GOLGB1: variants seen among roughly 807,000 people sequenced by gnomAD.
GOLGB1 encodes the protein golgin subfamily B member 1.
Under a neutral mutation model 336.9 loss-of-function variants are expected in GOLGB1, and 174 were observed. The observed-to-expected ratio is 0.52, with a 90% CI of 0.46 to 0.59. The LOEUF (loss-of-function observed/expected upper bound fraction) is 0.59. Ranked by LOEUF, GOLGB1 falls within the 20% of genes least tolerant of loss-of-function variation. The pLI, the probability that GOLGB1 is intolerant of heterozygous loss-of-function variation, is 0.00. For synonymous variants in GOLGB1, 1,208 were observed against 1,289.2 expected, an observed-to-expected ratio of 0.94 and a Z score of 1.35; for missense variants, 3,331 against 3,645.3, an observed-to-expected ratio of 0.91 and a Z score of 2.22.
At chr3:121,708,122 T>G (rs977240837) in intron 10 of GOLGB1, among the ~76,000 whole-genome samples, 7 of 152,150 alleles carry the variant, frequency 4.6e-5, no homozygotes, top group African/African-American at 1.7e-4. Context: ...AAACAAACAT[T>G]AGGATGAATC....
At chr3:121,693,661 TA>T in intron 13 of GOLGB1, 79 bp downstream of exon 13, 2 of 1,073,358 alleles carry the variant, frequency 1.9e-6, no homozygotes, top group Non-Finnish European at 1.4e-6. Context: ...TCCCATTGTC[TA>T]AAAGGAAACA....
intron 1 of GOLGB1, among the ~76,000 whole-genome samples, chr3:121,737,651 CA>C (rs35553866): frequency 7.5e-4 from 87 of 116,186 alleles, no homozygotes; most frequent in Admixed American, 1.0e-3. Flanking sequence ...GACCGCGTCT[CA>C]AAAAAAAAAA....
At chr3:121,740,634 T>C (rs554720692) in intron 1 of GOLGB1, among the ~76,000 whole-genome samples, 17 of 152,332 alleles carry the variant, frequency 1.1e-4, no homozygotes, top group African/African-American at 3.1e-4. Context: ...TGTAGTAAAC[T>C]TTCTGTAGTG....
At chr3:121,688,616 G>T in intron 14 of GOLGB1, among the ~76,000 whole-genome samples, 1 of 152,182 alleles carries the variant, frequency 6.6e-6, no homozygotes, top group Non-Finnish European at 1.5e-5. Flanking sequence ...ACCCCGTCTG[G>T]GAAGTGAGGA....
chr3:121,731,100 A>T, intron 1 of GOLGB1, 127 bp from the exon 2 acceptor site: 1 of 875,232 alleles, frequency 1.1e-6, no homozygotes, highest in South Asian at 1.8e-5. Flanking sequence ...TATTAGACAC[A>T]GTCTGCAGCA....
At chr3:121,670,775 G>C (rs1217111738) in intron 17 of GOLGB1, among the ~76,000 whole-genome samples, 1 of 148,210 alleles carries the variant, frequency 6.7e-6, no homozygotes, top group Non-Finnish European at 1.5e-5. Flanking sequence ...GGTGTGGGAG[G>C]AGGTGGGAAT....
chr3:121,695,466 A>G lies in GOLGB1; in HGVS notation c.5057T>C (p.Phe1686Ser). ...MEEMKEKMRK[F>S]AKSKQQKILE... ...GATTTTCTGCTGTTTAGATTTAGCA[A>G]ACTTTCTCATCTTTTCTTTCATTTC... The change falls in exon 13 of 22, where the codon TTT (phenylalanine) becomes TCT (serine). Residue 1686 changes from phenylalanine to serine, a missense_variant. By Grantham distance (155) the Phe-to-Ser change is radical. Transcript: ENST00000614479. The G allele has an allele frequency of 6.2e-7, 1 of 1,613,734 alleles. No homozygotes were observed. Among genetic ancestry groups the G allele is most frequent in the Non-Finnish European group, 8.5e-7 (1 of 1,179,924 alleles).
chr3:121,739,043 C>T (rs1414408569), intron 1 of GOLGB1, among the ~76,000 whole-genome samples: 2 of 152,196 alleles, frequency 1.3e-5, no homozygotes, highest in East Asian at 3.8e-4. Context: ...GGGAGGATCA[C>T]TTGAGCCTAG....
chr3:121,684,145 A>AAAAAAAAAAAAAAAAAAAAAAAAAAAAT (rs1941450811), intron 14 of GOLGB1, among the ~76,000 whole-genome samples: 1 of 148,632 alleles, frequency 6.7e-6, no homozygotes, highest in Non-Finnish European at 1.5e-5. Flanking sequence ...AAAAAAAAAA[A>AAAAAAAAAAAAAAAAAAAAAAAAAAAAT]AAAAAAACAA....
intron 1 of GOLGB1, among the ~76,000 whole-genome samples, chr3:121,747,140 T>G (rs1379155858): frequency 8.0e-6 from 1 of 124,742 alleles, no homozygotes; most frequent in Non-Finnish European, 1.7e-5. Flanking sequence ...AAGATATATA[T>G]ACATGGATGT....
intron 1 of GOLGB1, among the ~76,000 whole-genome samples, chr3:121,731,308 C>G (rs1946095711): frequency 6.6e-6 from 1 of 152,000 alleles, no homozygotes; most frequent in African/African-American, 2.4e-5. Flanking sequence ...TAGTTTTTAT[C>G]TTTAATGCCC....
chr3:121,723,642 G>A (rs1225467853), intron 5 of GOLGB1, among the ~76,000 whole-genome samples: 1 of 152,180 alleles, frequency 6.6e-6, no homozygotes, highest in Non-Finnish European at 1.5e-5. Context: ...TGATGGGCAT[G>A]TGAGTTGTTT....
Position 121,697,400 on chromosome 3 carries a change from T to G in GOLGB1, c.3123A>C (p.Glu1041Asp), listed in dbSNP as rs1236742021. 6.2e-7 allele frequency: 1 copy of G among 1,613,498 alleles called. No individual in the cohort carries two copies. The highest frequency in any genetic ancestry group is 8.5e-7 in the Non-Finnish European group (1 of 1,179,788). The change falls in exon 13 of 22, where the codon GAA becomes GAC. Residue 1041 changes from glutamate (E) to aspartate (D), a missense_variant. Physicochemically the swap from Glu to Asp is conservative, Grantham distance 45. Coordinates refer to ENST00000614479, the MANE Select transcript of GOLGB1 (RefSeq NM_001366282.2). ...EIPLSETERG[E>D]VEEDKENKEY... is the part of the protein sequence containing the mutation. ...CTTTGTTTTCTTTATCTTCTTCCAC[T>G]TCTCCCCTCTCAGTCTCACTGAGTG...
chr3:121,734,797 T>C (rs1440489330), intron 1 of GOLGB1, among the ~76,000 whole-genome samples: 1 of 152,234 alleles, frequency 6.6e-6, no homozygotes, highest in Non-Finnish European at 1.5e-5. Context: ...TGACAGTTTC[T>C]TTAAAAGTTA....
intron 15 of GOLGB1, among the ~76,000 whole-genome samples, 159 bp from the exon 16 acceptor site, chr3:121,677,609 G>A (rs1400808060): frequency 6.6e-6 from 1 of 152,056 alleles, no homozygotes; most frequent in African/African-American, 2.4e-5. Flanking sequence ...GAGAAAATGT[G>A]GGGGAAAAAA....
chr3:121,710,307 C>T (rs1944243877), intron 10 of GOLGB1, among the ~76,000 whole-genome samples: 1 of 151,970 alleles, frequency 6.6e-6, no homozygotes, highest in Admixed American at 6.6e-5. Flanking sequence ...GAAACACTCC[C>T]AGAAAATAGA....
chr3:121,734,648 CA>C (rs1946360654), intron 1 of GOLGB1, among the ~76,000 whole-genome samples: 1 of 152,060 alleles, frequency 6.6e-6, no homozygotes, highest in African/African-American at 2.4e-5. Context: ...TCATTAAAAG[CA>C]AAATGAAATA....
At chr3:121,707,452 C>T (rs1409127836) in intron 10 of GOLGB1, among the ~76,000 whole-genome samples, 1 of 150,336 alleles carries the variant, frequency 6.7e-6, no homozygotes, top group African/African-American at 2.5e-5. Flanking sequence ...TTAGCAAGAC[C>T]TCATCTCTAC....
Position 121,697,003 on chromosome 3 carries a change from G to A in GOLGB1, c.3520C>T (p.Leu1174Phe). 6.2e-7 allele frequency: 1 copy of A among 1,613,970 alleles called. No individual in the cohort carries two copies. The highest frequency in any genetic ancestry group is 8.5e-7 in the Non-Finnish European group (1 of 1,179,968). The change falls in exon 13 of 22, where the codon CTT becomes TTT. Residue 1174 changes from leucine (L) to phenylalanine (F), a missense_variant. Leu to Phe is a conservative substitution (Grantham distance 22, BLOSUM62 0). Transcript: ENST00000614479. Reference sequence around the variant, plus strand: ...TGAAGTTGCTCCTTTTCTTTTTCAAGGGCCAGTATCTTTTCTTCTAGTTCT... The same window carrying A: ...TGAAGTTGCTCCTTTTCTTTTTCAAAGGCCAGTATCTTTTCTTCTAGTTCT... ...KPELEEKILA[L>F]EKEKEQLQKK...
Sources: allele counts gnomAD v4.1 joint callset (sites outside exome capture counted in the v4.1 genomes callset), GRCh38; gene constraint gnomAD v4.1.1; transcripts MANE v1.5; gene names NCBI Gene and HGNC (gene_info 2026-07-23, HGNC 2026-07-21).